The following SPHK2 variants were observed in gnomAD, a reference collection of about 807,000 sequenced individuals.
SPHK2 encodes sphingosine kinase 2.
A neutral mutation model predicts 32.3 loss-of-function variants in SPHK2; 18 were observed. The observed-to-expected ratio is 0.56, with a 90% CI of 0.39 to 0.83. SPHK2 has a LOEUF of 0.83. Ranked by LOEUF, SPHK2 falls within the 40% of genes least tolerant of loss-of-function variation. The pLI is 0.00. For synonymous variants in SPHK2, 462 were observed against 417.6 expected, an observed-to-expected ratio of 1.11 and a Z score of -1.30; for missense variants, 850 against 908.7, an observed-to-expected ratio of 0.94 and a Z score of 0.83.
chr19:48,627,875 G>A, intron 4 of SPHK2, 34 bp downstream of exon 4: 1 of 1,596,090 alleles, frequency 6.3e-7, no homozygotes, highest in Non-Finnish European at 8.5e-7. Flanking sequence ...CTGGGGGCTG[G>A]GACAGCTGAG....
In SPHK2 at chr19:48,628,728, T is replaced by TG. The variant is rs763357188; in HGVS notation, c.921dup (p.Leu308AlafsTer86). 1 of 1,613,120 alleles carries TG rather than the reference T, an allele frequency of 6.2e-7. No individual in the cohort carries two copies. Among genetic ancestry groups the TG allele is most frequent in the Non-Finnish European group, 8.5e-7 (1 of 1,180,030 alleles). The stretch of plus-strand genomic sequence containing the variant: ...GACCTGTTGCTCAACTGCTCACTGT[T>TG]GCTGTGCCGGGGTGGTGGCCACCCA... On this transcript the variant is annotated frameshift_variant, in exon 7 of 7. Transcript: ENST00000245222. LOFTEE classifies it low-confidence loss of function (END_TRUNC). This position sits in a 1 kb window ranked among gnomAD's most constrained non-coding sequence, Gnocchi z 5.2.
rs761219111 is a variant in SPHK2, at chr19:48,626,338, G to A, written c.487G>A (p.Gly163Arg). The A allele has an allele frequency of 1.3e-6, 2 of 1,591,808 alleles. No individual in the cohort carries two copies. Among genetic ancestry groups the A allele is most frequent in the South Asian group, 2.2e-5 (2 of 90,098 alleles). The change falls in exon 3 of 7, where the codon GGA (glycine) becomes AGA (arginine). Residue 163 changes from glycine (G) to arginine (R), a missense_variant. Physicochemically the swap from Gly to Arg is moderately radical, Grantham distance 125. Coordinates refer to ENST00000245222, the MANE Select transcript of SPHK2 (RefSeq NM_020126.5). ...CACTGCCCTCACCTGTCTGCTCCGAGGACTGCCACTGCCCGGGGATGGGGG... is the reference window on the plus strand; with the variant it reads ...CACTGCCCTCACCTGTCTGCTCCGAAGACTGCCACTGCCCGGGGATGGGGG... The part of the protein sequence containing the change: ...WATALTCLLR[G>R]LPLPGDGEIT...
intron 3 of SPHK2, 124 bp downstream of exon 3, chr19:48,626,486 G>C (rs181090890): frequency 1.6e-6 from 2 of 1,251,994 alleles, no homozygotes; most frequent in East Asian, 5.5e-5. Context: ...GGATCCGTTA[G>C]GAGTGATACA....
chr19:48,629,712 T>C lies in SPHK2; in HGVS notation c.1904T>C (p.Met635Thr), dbSNP rs1041593491. The stretch of plus-strand genomic sequence containing the variant: ...GAGTATGGGCCGCTACAGGCACAGA[T>C]GCACCCTGGCATCGGTACACTGCTC... Reference protein sequence around the residue: ...QVEYGPLQAQMHPGIGTLLTG... With the variant: ...QVEYGPLQAQTHPGIGTLLTG... Residue 635 changes from methionine (M) to threonine (T), a missense_variant, in exon 7 of 7, where the codon ATG becomes ACG. Met to Thr is a moderately conservative substitution (Grantham distance 81). Coordinates refer to ENST00000245222, the MANE Select transcript of SPHK2 (RefSeq NM_020126.5). The C allele has an allele frequency of 5.6e-6, 9 of 1,609,752 alleles. No individual in the cohort carries two copies. The highest frequency in any genetic ancestry group is 1.3e-5 in the African/African-American group (1 of 75,016).
chr19:48,629,778 A>G lies in SPHK2; in HGVS notation c.*5A>G. 4 of 1,558,454 alleles carry G rather than the reference A, an allele frequency of 2.6e-6. No homozygotes were observed. Among genetic ancestry groups the G allele is most frequent in the Non-Finnish European group, 3.5e-6 (4 of 1,149,826 alleles). On this transcript the variant is annotated 3_prime_UTR_variant, in exon 7 of 7. Transcript: ENST00000245222. ...TGCCCGGGGCGGGAGCCCTGAAACT[A>G]AACAAGCTTGGTACCCGCCGGGGGC... is the stretch of plus-strand genomic sequence containing the variant.
At chr19:48,621,306 C>T (rs1337837528) in intron 2 of SPHK2, among the ~76,000 whole-genome samples, 5 of 152,290 alleles carry the variant, frequency 3.3e-5, no homozygotes, top group African/African-American at 9.6e-5. Context: ...CTCAAACTCC[C>T]GACCTCAGGT....
In SPHK2 at chr19:48,628,117, A is replaced by C; in HGVS notation, c.757-45A>C. 1 of 1,594,432 alleles carries C rather than the reference A, an allele frequency of 6.3e-7. No homozygotes were observed. Among genetic ancestry groups the C allele is most frequent in the Non-Finnish European group, 8.6e-7 (1 of 1,167,656 alleles). On this transcript the variant is annotated intron_variant, in intron 5 of 6. Transcript: ENST00000245222. This position sits in a 1 kb window ranked among gnomAD's most constrained non-coding sequence, Gnocchi z 5.2. ...CTAGCCCTGGGCCCTGGGGGACTAT[A>C]GAGACTGCCACCAGGACCCAGGCTT...
intron 1 of SPHK2, 197 bp downstream of exon 1, chr19:48,619,740 C>T (rs1974323068): frequency 6.4e-6 from 1 of 155,076 alleles, no homozygotes; most frequent in Admixed American, 6.3e-5. Context: ...ATCCTGTATT[C>T]CCATCCTTTG....
chr19:48,630,040 G>A lies in SPHK2; in HGVS notation c.*267G>A. On this transcript the variant is annotated 3_prime_UTR_variant, in exon 7 of 7. Transcript: ENST00000245222. The surrounding 1 kb of genome is among the most constrained non-coding windows in gnomAD (Gnocchi z 4.9). ...GATCTGGGGCCGCCCTTACGGGGCAGGGCTCAGTCCTGACGCTTGCCACCT... is the reference window on the plus strand; with the variant it reads ...GATCTGGGGCCGCCCTTACGGGGCAAGGCTCAGTCCTGACGCTTGCCACCT... The A allele has an allele frequency of 7.5e-7, 1 of 1,337,520 alleles. No homozygotes were observed. Among genetic ancestry groups the A allele is most frequent in the Non-Finnish European group, 9.6e-7 (1 of 1,046,230 alleles). 82.9% of individuals were successfully genotyped at this position (1,337,520 alleles called of 1,614,324 possible).
chr19:48,626,536 C>T (rs1315399487), intron 3 of SPHK2, 174 bp downstream of exon 3: 6 of 833,858 alleles, frequency 7.2e-6, no homozygotes, highest in South Asian at 4.5e-5. Context: ...ACAAGAGGAC[C>T]GGATGTGGTG....
rs202116955 is a variant in SPHK2 at position 48,629,282 on chromosome 19, G to A, written c.1474G>A (p.Val492Ile). ...CTCACCCGTCTCCGAAGGGGCCCCCGTAATTCCCCCATCCTCTGGGCTCCC... is the reference window on the plus strand; with the variant it reads ...CTCACCCGTCTCCGAAGGGGCCCCCATAATTCCCCCATCCTCTGGGCTCCC... ...LHSPVSEGAP[V>I]IPPSSGLPLP... is the part of the protein sequence containing the mutation. Residue 492 changes from valine (V) to isoleucine (I), a missense_variant, in exon 7 of 7, where the codon GTA becomes ATA. Coordinates refer to ENST00000245222, the MANE Select transcript of SPHK2 (RefSeq NM_020126.5). 4.3e-6 allele frequency: 7 copies of A among 1,613,470 alleles called. No individual in the cohort carries two copies. The highest frequency in any genetic ancestry group is 3.3e-5 in the Admixed American group (2 of 60,000).
chr19:48,628,578 A>G lies in SPHK2; in HGVS notation c.873-103A>G. On this transcript the variant is annotated intron_variant, in intron 6 of 6. Transcript: ENST00000245222. This position sits in a 1 kb window ranked among gnomAD's most constrained non-coding sequence, Gnocchi z 5.2. ...CCCACGGCTGTGGTGGGCCTGGGCC[A>G]TGGCCTTCGTGGTCTCATTGCCAGC... 1 of 1,442,250 alleles carries G rather than the reference A, an allele frequency of 6.9e-7. No homozygotes were observed. The allele number at this position is 1,442,250 out of a possible 1,614,324, so 89.3% of individuals were successfully genotyped here.
At position 48,629,250 on chromosome 19, in the gene SPHK2, C is replaced by G. The variant is rs769831160; in HGVS notation, c.1442C>G (p.Ala481Gly). The change falls in exon 7 of 7, where the codon GCT becomes GGT. Residue 481 changes from alanine to glycine, a missense_variant. By Grantham distance (60) the Ala-to-Gly change is moderately conservative. Around this residue, in one of 2 missense-constraint regions of SPHK2, gnomAD observed 306 missense variants for 268.6 expected, o/e 1.14. Transcript: ENST00000245222. ...LSSPPGSPKA[A>G]LHSPVSEGAP... ...TCACCTCCTGGCTCTCCCAAGGCAGCTCTACACTCACCCGTCTCCGAAGGG... is the reference window on the plus strand; with the variant it reads ...TCACCTCCTGGCTCTCCCAAGGCAGGTCTACACTCACCCGTCTCCGAAGGG... 127 of 1,613,172 alleles carry G rather than the reference C, an allele frequency of 7.9e-5. 3 individuals are homozygous for G. The highest frequency in any genetic ancestry group is 5.2e-4 in the South Asian group (47 of 91,068).
rs1362576469 is a variant in SPHK2, at chr19:48,625,874, C to A, written c.40-17C>A. 1.2e-6 allele frequency: 2 copies of A among 1,609,298 alleles called. No individual in the cohort carries two copies. The highest frequency in any genetic ancestry group is 2.2e-5 in the South Asian group (2 of 90,708). On this transcript the variant is annotated splice_polypyrimidine_tract_variant and intron_variant, in intron 2 of 6. Coordinates refer to ENST00000245222, the MANE Select transcript of SPHK2 (RefSeq NM_020126.5). ...GGGGTCCTGAATTCTCACCCCTTCT[C>A]TCCTCCCTTCCCACAGAGGCCAGAC...
chr19:48,626,524 A>G (rs2029911792), intron 3 of SPHK2, 162 bp downstream of exon 3: 1 of 955,612 alleles, frequency 1.0e-6, no homozygotes, highest in Non-Finnish European at 1.5e-6. Flanking sequence ...AGGAACAAAA[A>G]GACAAGAGGA....
chr19:48,622,277 A>T (rs576400967), intron 2 of SPHK2, among the ~76,000 whole-genome samples: 82 of 145,580 alleles, frequency 5.6e-4, no homozygotes, highest in African/African-American at 6.2e-4. Context: ...AAAAAATAAA[A>T]AAAAATAAAG....
intron 2 of SPHK2, chr19:48,623,983 G>A (rs753275304): frequency 6.6e-6 from 1 of 152,258 alleles, no homozygotes. Flanking sequence ...GTGGGTCTCT[G>A]CCTTGCTCTG....
In SPHK2 at chr19:48,628,643, C is replaced by T; in HGVS notation, c.873-38C>T. On this transcript the variant is annotated intron_variant, in intron 6 of 6. Transcript: ENST00000245222. This position sits in a 1 kb window ranked among gnomAD's most constrained non-coding sequence, Gnocchi z 5.2. ...TCTCTTTCCCCAACCCCTGTTTGCTCCTTCCTTCTGTGTGTCCGTCCATCT... is the reference window on the plus strand; with the variant it reads ...TCTCTTTCCCCAACCCCTGTTTGCTTCTTCCTTCTGTGTGTCCGTCCATCT... 6.3e-7 allele frequency: 1 copy of T among 1,598,278 alleles called. No individual in the cohort carries two copies. Among genetic ancestry groups the T allele is most frequent in the South Asian group, 1.1e-5 (1 of 90,776 alleles).
At position 48,629,990 on chromosome 19, in the gene SPHK2, T is replaced by C; in HGVS notation, c.*217T>C. 2 of 1,393,636 alleles carry C rather than the reference T, an allele frequency of 1.4e-6. No individual in the cohort carries two copies. Among genetic ancestry groups the C allele is most frequent in the Admixed American group, 3.1e-5 (1 of 32,712 alleles). The allele number at this position is 1,393,636 out of a possible 1,614,324, so 86.3% of individuals were successfully genotyped here. Reference sequence around the variant, plus strand: ...GGCTCGTCCCGAGGGTAGTGCCTGATCAATGAGGGCGGGGCCTGGCGTCTG... The same window carrying C: ...GGCTCGTCCCGAGGGTAGTGCCTGACCAATGAGGGCGGGGCCTGGCGTCTG... On this transcript the variant is annotated 3_prime_UTR_variant, in exon 7 of 7. Coordinates refer to ENST00000245222, the MANE Select transcript of SPHK2 (RefSeq NM_020126.5).
Sources: allele counts gnomAD v4.1 joint callset (sites outside exome capture counted in the v4.1 genomes callset), GRCh38; gene constraint gnomAD v4.1.1; regional missense constraint gnomAD v4.1.1; non-coding constraint Gnocchi (gnomAD v3.1); transcripts MANE v1.5; gene names NCBI Gene and HGNC (gene_info 2026-07-23, HGNC 2026-07-21).